Variants in FAT3 observed in about 807,000 individuals in gnomAD.
FAT3 encodes the protein FAT atypical cadherin 3, also known as protocadherin Fat 3.
A neutral mutation model predicts 310.2 loss-of-function variants in FAT3; 95 were observed. The ratio of observed to expected loss-of-function variants is 0.31; its 90% CI spans 0.26 to 0.36. The LOEUF (loss-of-function observed/expected upper bound fraction) is 0.36, where lower values mean the gene tolerates loss of function less well. FAT3 is among the 10% of genes least tolerant of loss of function. The probability of loss-of-function intolerance (pLI) is 1.00; values close to 1 mark genes in which losing one functional copy is unlikely to be tolerated. For synonymous variants in FAT3, 2,314 were observed against 2,192.9 expected, an observed-to-expected ratio of 1.06 and a Z score of -1.54; for missense variants, 5,408 against 5,715.6, an observed-to-expected ratio of 0.95 and a Z score of 1.74.
chr11:92,257,980 G>A (rs1489506245), intron 1 of FAT3, among the ~76,000 whole-genome samples: 2 of 151,990 alleles, frequency 1.3e-5, no homozygotes. Flanking sequence ...TTACTTTATT[G>A]GTACCAAGAA....
chr11:92,763,029 T>C (rs547612604), intron 5 of FAT3, among the ~76,000 whole-genome samples: 1 of 152,094 alleles, frequency 6.6e-6, no homozygotes, highest in Non-Finnish European at 1.5e-5. Context: ...CATGGTGGTG[T>C]GTGCCTGTAA....
At chr11:92,428,414 T>G (rs890072941) in intron 2 of FAT3, among the ~76,000 whole-genome samples, 2 of 152,184 alleles carry the variant, frequency 1.3e-5, no homozygotes, top group Admixed American at 1.3e-4. Context: ...ATTTCTTTTC[T>G]TCTGCTAGCT....
chr11:92,372,966 C>T (rs1384490457), intron 2 of FAT3, among the ~76,000 whole-genome samples: 6 of 151,988 alleles, frequency 3.9e-5, no homozygotes, highest in African/African-American at 7.2e-5. Context: ...GGCCAGCAAA[C>T]GATTTTTTAA....
chr11:92,273,819 T>C (rs891429990), intron 1 of FAT3, among the ~76,000 whole-genome samples: 3 of 152,134 alleles, frequency 2.0e-5, no homozygotes, highest in African/African-American at 7.2e-5. Context: ...TATCTCCTCA[T>C]TTGCTTTAAC....
chr11:92,817,786 A>G (rs1263143753), intron 13 of FAT3, among the ~76,000 whole-genome samples: 3 of 152,194 alleles, frequency 2.0e-5, no homozygotes, highest in Admixed American at 6.5e-5. Flanking sequence ...CGATTGTTAG[A>G]TGGAGATTTT....
At chr11:92,488,269 T>G (rs751715496) in intron 2 of FAT3, among the ~76,000 whole-genome samples, 4 of 152,060 alleles carry the variant, frequency 2.6e-5, no homozygotes, top group Non-Finnish European at 5.9e-5. Context: ...ATGTTGAACT[T>G]CCAGAAGAGA....
At chr11:92,626,471 CT>C (rs72017730) in intron 3 of FAT3, among the ~76,000 whole-genome samples, 16,984 of 145,146 alleles carry the variant, frequency 0.12, 1,132 homozygotes, top group Admixed American at 0.18. Flanking sequence ...TAGCGTATCT[CT>C]TTTTTTTTTT....
chr11:92,424,631 C>T (rs1950593600), intron 2 of FAT3, among the ~76,000 whole-genome samples: 1 of 152,050 alleles, frequency 6.6e-6, no homozygotes, highest in African/African-American at 2.4e-5. Context: ...TTAATTTTGG[C>T]CTTGTGAAGA....
intron 1 of FAT3, among the ~76,000 whole-genome samples, chr11:92,256,822 A>T (rs1305678236): frequency 6.6e-6 from 1 of 152,144 alleles, no homozygotes; most frequent in Admixed American, 6.6e-5. Context: ...TTTGTCTGAG[A>T]TTATATAGCG....
At chr11:92,328,665 G>A (rs1037377693) in intron 1 of FAT3, among the ~76,000 whole-genome samples, 9 of 152,192 alleles carry the variant, frequency 5.9e-5, no homozygotes, top group African/African-American at 2.2e-4. Context: ...CGTGACAGCC[G>A]TGTGTATAGG....
intron 3 of FAT3, among the ~76,000 whole-genome samples, chr11:92,533,298 A>G (rs945385691): frequency 2.0e-5 from 3 of 152,154 alleles, no homozygotes; most frequent in African/African-American, 7.2e-5. Context: ...CTGGGATTGC[A>G]GGCATAAGCC....
At chr11:92,241,751 A>G (rs1452008914) in intron 1 of FAT3, among the ~76,000 whole-genome samples, 1 of 152,046 alleles carries the variant, frequency 6.6e-6, no homozygotes, top group Non-Finnish European at 1.5e-5. Context: ...AGTCTGATAG[A>G]TGTTTTTATT....
chr11:92,380,820 A>G (rs1949477787), intron 2 of FAT3, among the ~76,000 whole-genome samples: 1 of 152,188 alleles, frequency 6.6e-6, no homozygotes, highest in East Asian at 1.9e-4. Context: ...TGATGGGATA[A>G]AGTCTTTGGA....
At chr11:92,490,596 A>G (rs1766051150) in intron 2 of FAT3, among the ~76,000 whole-genome samples, 1 of 152,032 alleles carries the variant, frequency 6.6e-6, no homozygotes, top group Non-Finnish European at 1.5e-5. Context: ...TTTACCTAGA[A>G]GTGATTATTA....
rs774749026 is a variant in FAT3 at position 92,801,274 on chromosome 11, G to T, written c.8261G>T (p.Gly2754Val). The change falls in exon 10 of 28, where the codon GGC becomes GTC. Residue 2754 changes from glycine (G) to valine (V), a missense_variant. Transcript: ENST00000525166. ...NGERPENNKGGIFVIEQETGT... is the reference protein window; with the variant it reads ...NGERPENNKGVIFVIEQETGT... ...GAACGGCCAGAAAATAACAAAGGGG[G>T]CATATTCGTCATAGAACAGGAAACA... 6 of 1,613,752 alleles carry T rather than the reference G, an allele frequency of 3.7e-6. No individual in the cohort carries two copies. Among genetic ancestry groups the T allele is most frequent in the Admixed American group, 3.3e-5 (2 of 59,986 alleles).
chr11:92,852,295 A>G (rs1948852936), intron 19 of FAT3, among the ~76,000 whole-genome samples: 1 of 152,222 alleles, frequency 6.6e-6, no homozygotes, highest in Non-Finnish European at 1.5e-5. Flanking sequence ...TCAAAAACTA[A>G]AAGTTTTTCT....
At position 92,239,893 on chromosome 11, in the gene FAT3, A is replaced by C. The variant is rs544321673; in HGVS notation, c.-18+14719A>C. Among the ~76,000 whole-genome samples, 4 of 152,216 alleles carry C rather than the reference A, an allele frequency of 2.6e-5. No homozygotes were observed. In the South Asian group the frequency reaches 8.3e-4, roughly 32 times the overall value. On this transcript the variant is annotated intron_variant, in intron 1 of 27. Coordinates refer to ENST00000525166, the MANE Select transcript of FAT3 (RefSeq NM_001367949.2). ...CTTTCCTATTATCTGGTCCAAGGTC[A>C]TTACTAAAAGGCTTCCTGTTTCATG...
intron 1 of FAT3, among the ~76,000 whole-genome samples, chr11:92,262,213 A>T (rs1337948310): frequency 2.0e-5 from 3 of 152,050 alleles, no homozygotes; most frequent in Admixed American, 6.6e-5. Flanking sequence ...ATAGAAGGAG[A>T]CCTCCTCAAC....
chr11:92,844,554 G>C lies in FAT3; in HGVS notation c.11187G>C (p.Leu3729=). The change falls in exon 19 of 28, where the codon CTG becomes CTC. Residue 3729 remains leucine (L), a synonymous_variant. Transcript: ENST00000525166. ...IQKLSNARRH[L]ENIMRISAIL... is the part of the protein sequence containing the mutation. ...AGCTGTCCAATGCTAGAAGACACCT[G>C]GAGAATATCATGCGCATCTCAGCCA... The C allele has an allele frequency of 1.9e-6, 3 of 1,614,012 alleles. No individual in the cohort carries two copies. The highest frequency in any genetic ancestry group is 2.5e-6 in the Non-Finnish European group (3 of 1,179,900).
Sources: gnomAD v4.1 joint callset for allele counts (sites outside exome capture counted in the v4.1 genomes callset) on GRCh38, gnomAD v4.1.1 for gene constraint, MANE v1.5 for transcripts, NCBI Gene and HGNC (gene_info 2026-07-23, HGNC 2026-07-21) for gene names.